Variants in NLGN1 observed in about 807,000 individuals in gnomAD.
NLGN1 encodes neuroligin 1, also known as neuroligin-1.
In NLGN1, 12 loss-of-function variants were observed where a neutral mutation model predicts 65.5. The ratio of observed to expected loss-of-function variants is 0.18; its 90% confidence interval spans 0.12 to 0.30. NLGN1 has a LOEUF of 0.30. Among genes scored for constraint, NLGN1 ranks in the 10% least tolerant of loss-of-function variants. The probability of loss-of-function intolerance (pLI) is 1.00; values close to 1 mark genes in which losing one functional copy is unlikely to be tolerated. For missense variants in NLGN1, 750 were observed against 1,007.1 expected, an observed-to-expected ratio of 0.74 and a Z score of 3.46; for synonymous variants, 350 against 359.5, an observed-to-expected ratio of 0.97 and a Z score of 0.30.
At chr3:173,684,441 T>C (rs1265415385) in intron 3 of NLGN1, among the ~76,000 whole-genome samples, 1 of 152,214 alleles carries the variant, frequency 6.6e-6, no homozygotes, top group Non-Finnish European at 1.5e-5. Context: ...TTTATGATAC[T>C]ATGAGGCTGA....
chr3:173,627,054 G>A (rs1754932541), intron 3 of NLGN1, among the ~76,000 whole-genome samples: 1 of 152,116 alleles, frequency 6.6e-6, no homozygotes, highest in Middle Eastern at 3.4e-3. Flanking sequence ...GTCCTCAAAA[G>A]TGATATAATT....
chr3:174,007,036 G>T (rs1724566635), intron 4 of NLGN1, among the ~76,000 whole-genome samples: 1 of 152,066 alleles, frequency 6.6e-6, no homozygotes, highest in Admixed American at 6.6e-5. Flanking sequence ...CCATTGCACT[G>T]CAGCCAGTGT....
chr3:173,976,677 A>G lies in NLGN1; in HGVS notation c.646+168845A>G, dbSNP rs538923253. 2.8e-4 allele frequency among the ~76,000 whole-genome samples: 42 copies of G among 152,108 alleles called. No individual in the cohort carries two copies. In the South Asian group the frequency reaches 8.3e-3, roughly 30 times the overall value. On this transcript the variant is annotated intron_variant, in intron 4 of 6. Coordinates refer to ENST00000457714, the Ensembl canonical transcript of NLGN1. ...TCATTTCATTTTGTTTTTCTGGGCTATGTTGAAGAGCATGATTCTACAAGC... is the reference window on the plus strand; with the variant it reads ...TCATTTCATTTTGTTTTTCTGGGCTGTGTTGAAGAGCATGATTCTACAAGC...
At chr3:174,171,649 A>C (rs911593808) in intron 4 of NLGN1, among the ~76,000 whole-genome samples, 4 of 152,196 alleles carry the variant, frequency 2.6e-5, no homozygotes, top group Admixed American at 6.6e-5. Context: ...GCATTTTTAC[A>C]GAGTTGTCAT....
chr3:174,078,963 A>C (rs1741569526), intron 4 of NLGN1, among the ~76,000 whole-genome samples: 2 of 151,944 alleles, frequency 1.3e-5, no homozygotes, highest in Non-Finnish European at 2.9e-5. Flanking sequence ...TATATCCTTT[A>C]TTTTTTAGTG....
At chr3:174,024,752 A>G (rs9832402) in intron 4 of NLGN1, among the ~76,000 whole-genome samples, 44,885 of 151,952 alleles carry the variant, frequency 0.3, 7,272 homozygotes, top group African/African-American at 0.43. Flanking sequence ...AAACACCAGC[A>G]ACTTCTTGAA....
intron 2 of NLGN1, among the ~76,000 whole-genome samples, chr3:173,437,101 A>T (rs1718280281): frequency 6.6e-6 from 1 of 152,250 alleles, no homozygotes; most frequent in Non-Finnish European, 1.5e-5. Flanking sequence ...TTTGACTGTC[A>T]AGATTCCATT....
At chr3:173,743,923 A>G (rs764080759) in intron 3 of NLGN1, among the ~76,000 whole-genome samples, 4 of 152,160 alleles carry the variant, frequency 2.6e-5, no homozygotes, top group Non-Finnish European at 5.9e-5. Context: ...GCAGTTGTCA[A>G]TACTCCAATT....
At chr3:174,196,070 C>T (rs1453855936) in intron 4 of NLGN1, among the ~76,000 whole-genome samples, 3 of 152,116 alleles carry the variant, frequency 2.0e-5, no homozygotes, top group Non-Finnish European at 4.4e-5. Flanking sequence ...CTTAGACAGA[C>T]TATATTTTAG....
rs184835635 is a variant in NLGN1, at chr3:173,928,497, A to G, written c.646+120665A>G. Among the ~76,000 whole-genome samples the G allele has an allele frequency of 1.6e-3, 246 of 152,324 alleles. 2 individuals are homozygous for G. Among genetic ancestry groups the G allele is most frequent in the Admixed American group, 2.7e-3 (41 of 15,284 alleles). ...TACTTGGAGATAGGAACTATGTCAC[A>G]TAGTGCATGACACATGAAAGGCACT... On this transcript the variant is annotated intron_variant, in intron 4 of 6. Coordinates refer to ENST00000457714, the Ensembl canonical transcript of NLGN1.
At chr3:173,464,094 A>T (rs996155265) in intron 2 of NLGN1, among the ~76,000 whole-genome samples, 2 of 152,252 alleles carry the variant, frequency 1.3e-5, no homozygotes, top group South Asian at 4.1e-4. Context: ...GCATTAAGGT[A>T]TATAGGGCAT....
Position 173,993,654 on chromosome 3 carries a change from TGATAGATA to T in NLGN1, c.646+185856_646+185863del, listed in dbSNP as rs10648000. On this transcript the variant is annotated intron_variant, in intron 4 of 6. Transcript: ENST00000457714. ...ATAGATAGAAAGATAGCTAGATAGA[TGATAGATA>T]GATAGATAGATAGATAGATAGATAG... 8.5e-3 allele frequency among the ~76,000 whole-genome samples: 1,252 copies of T among 147,364 alleles called. 18 individuals carry two copies. Among genetic ancestry groups the T allele is most frequent in the African/African-American group, 0.029 (1,158 of 39,802 alleles).
At chr3:174,275,598 C>A in intron 5 of NLGN1, 71 bp downstream of exon 5, 2 of 870,580 alleles carry the variant, frequency 2.3e-6, no homozygotes, top group Non-Finnish European at 3.8e-6. Context: ...GTATGTGATG[C>A]TCTGTATATT....
chr3:173,475,944 A>G (rs566089084), intron 2 of NLGN1, among the ~76,000 whole-genome samples: 1 of 152,356 alleles, frequency 6.6e-6, no homozygotes, highest in Admixed American at 6.5e-5. Flanking sequence ...AGTTAATGAG[A>G]TGAAAGGAAG....
chr3:174,155,416 T>C (rs546348519), intron 4 of NLGN1, among the ~76,000 whole-genome samples: 1 of 152,014 alleles, frequency 6.6e-6, no homozygotes, highest in African/African-American at 2.4e-5. Context: ...GCTGTAGTAC[T>C]GCAAGAGAAG....
chr3:173,960,682 C>T (rs1414280604), intron 4 of NLGN1, among the ~76,000 whole-genome samples: 1 of 151,584 alleles, frequency 6.6e-6, no homozygotes, highest in Admixed American at 6.6e-5. Flanking sequence ...AATATGTTTC[C>T]TATATCTATT....
rs555505457 is a variant in NLGN1 at position 173,743,929 on chromosome 3, C to T, written c.494-63751C>T. On this transcript the variant is annotated intron_variant, in intron 3 of 6. Transcript: ENST00000457714. Reference sequence around the variant, plus strand: ...TCAGAGGAGGCAGTTGTCAATACTCCAATTTCTGAACACTACATATCACAA... The same window carrying T: ...TCAGAGGAGGCAGTTGTCAATACTCTAATTTCTGAACACTACATATCACAA... Among the ~76,000 whole-genome samples the T allele has an allele frequency of 1.9e-4, 29 of 152,186 alleles. No homozygotes were observed. The South Asian group carries it at 2.5e-3, about 13-fold the overall frequency.
intron 3 of NLGN1, among the ~76,000 whole-genome samples, chr3:173,640,338 T>A (rs1010111590): frequency 2.0e-5 from 3 of 152,154 alleles, no homozygotes; most frequent in African/African-American, 7.2e-5. Flanking sequence ...ATTCTTCTTA[T>A]AGAAGAATAC....
chr3:173,718,506 T>C (rs568212319), intron 3 of NLGN1, among the ~76,000 whole-genome samples: 7 of 152,310 alleles, frequency 4.6e-5, no homozygotes, highest in African/African-American at 1.7e-4. Context: ...TTATAATCCA[T>C]AAATGAGTTT....
Sources: allele counts gnomAD v4.1 joint callset (sites outside exome capture counted in the v4.1 genomes callset), GRCh38; gene constraint gnomAD v4.1.1; transcripts MANE v1.5; gene names NCBI Gene and HGNC (gene_info 2026-07-23, HGNC 2026-07-21).